Variants in PLXNA4 observed in about 807,000 individuals in gnomAD.
PLXNA4 encodes the protein plexin A4, also known as plexin-A4.
A neutral mutation model predicts 191.8 loss-of-function variants in PLXNA4; 44 were observed. The observed-to-expected ratio is 0.23, with a 90% CI of 0.18 to 0.29. PLXNA4 has a LOEUF of 0.29. Ranked by LOEUF, PLXNA4 falls within the 10% of genes least tolerant of loss-of-function variation. The pLI, the probability that PLXNA4 is intolerant of heterozygous loss-of-function variation, is 1.00. For missense variants in PLXNA4, 1,800 were observed against 2,488.8 expected (o/e 0.72, Z 5.89); for synonymous variants, 1,082 against 1,009.5 (o/e 1.07, Z -1.36).
At chr7:132,279,957 CA>C (rs1563009119) in intron 4 of PLXNA4, among the ~76,000 whole-genome samples, 2 of 152,174 alleles carry the variant, frequency 1.3e-5, no homozygotes, top group Non-Finnish European at 2.9e-5. Flanking sequence ...TGACTCATGG[CA>C]AGAGATATGT....
intron 3 of PLXNA4, among the ~76,000 whole-genome samples, chr7:132,435,869 G>A (rs867007803): frequency 7.9e-5 from 12 of 152,208 alleles, no homozygotes; most frequent in Non-Finnish European, 1.0e-4. Flanking sequence ...CCCCTGTGAG[G>A]CAAAGGCCAG....
chr7:132,469,962 A>G (rs1796871511), intron 3 of PLXNA4, among the ~76,000 whole-genome samples: 1 of 152,152 alleles, frequency 6.6e-6, no homozygotes, highest in Non-Finnish European at 1.5e-5. Flanking sequence ...CACTGTCACA[A>G]CTGGCCCTGT....
At position 132,489,236 on chromosome 7, in the gene PLXNA4, C is replaced by T; in HGVS notation, c.1371+56G>A. 2.6e-6 allele frequency: 4 copies of T among 1,520,394 alleles called. No homozygotes were observed. In the Admixed American group the frequency reaches 5.2e-5, roughly 20 times the overall value. The allele number at this position is 1,520,394 out of a possible 1,614,324, so 94.2% of individuals were successfully genotyped here. A position where few individuals can be genotyped will look rare whatever the true frequency, so the allele number is the denominator to read the frequency against. On this transcript the variant is annotated intron_variant, in intron 3 of 31. Transcript: ENST00000321063. ...CAAAAAGATGTAAGATAACATCCAG[C>T]CCAGGAGGGACAGACTGTCTTCACA...
intron 10 of PLXNA4, 91 bp downstream of exon 10, chr7:132,210,852 C>T: frequency 7.1e-7 from 1 of 1,416,270 alleles, no homozygotes; most frequent in East Asian, 2.3e-5. Flanking sequence ...GAAACGACTG[C>T]AGGGCTGAGC....
At chr7:132,185,228 T>A in intron 16 of PLXNA4, 71 bp downstream of exon 16, 1 of 1,534,020 alleles carries the variant, frequency 6.5e-7, no homozygotes, top group Non-Finnish European at 8.7e-7. Context: ...AGAACTCTCC[T>A]TGGCTTTCAA....
chr7:132,361,843 G>A (rs1024193806), intron 3 of PLXNA4, among the ~76,000 whole-genome samples: 5 of 151,978 alleles, frequency 3.3e-5, no homozygotes, highest in Non-Finnish European at 4.4e-5. Flanking sequence ...GTGTGTGCAC[G>A]CGTGCGTGAA....
intron 3 of PLXNA4, among the ~76,000 whole-genome samples, chr7:132,372,846 T>C (rs989422369): frequency 1.3e-5 from 2 of 152,104 alleles, no homozygotes; most frequent in African/African-American, 2.4e-5. Flanking sequence ...ATAAGGAAAG[T>C]TGAGAGGCTT....
At chr7:132,535,739 C>T (rs1282808245) in intron 1 of PLXNA4, among the ~76,000 whole-genome samples, 1 of 151,628 alleles carries the variant, frequency 6.6e-6, no homozygotes, top group Admixed American at 6.6e-5. Context: ...CTGCAGGCCA[C>T]ACAGGCAGGA....
At chr7:132,429,476 C>T (rs1213900778) in intron 3 of PLXNA4, among the ~76,000 whole-genome samples, 1 of 152,182 alleles carries the variant, frequency 6.6e-6, no homozygotes, top group Non-Finnish European at 1.5e-5. Context: ...ACCACGAAAG[C>T]AGGCACAGAC....
chr7:132,455,090 C>G (rs1270546633), intron 3 of PLXNA4, among the ~76,000 whole-genome samples: 3 of 152,206 alleles, frequency 2.0e-5, no homozygotes, highest in African/African-American at 7.2e-5. Context: ...GTCTGGGAAA[C>G]AGGCAGCCCC....
At chr7:132,176,931 CAT>C (rs1796487848) in intron 20 of PLXNA4, among the ~76,000 whole-genome samples, 2 of 151,244 alleles carry the variant, frequency 1.3e-5, no homozygotes, top group African/African-American at 2.4e-5. Context: ...AGTATGTGGG[CAT>C]GTGTGTGCAC....
chr7:132,299,752 G>A (rs1191802441), intron 3 of PLXNA4, among the ~76,000 whole-genome samples: 4 of 152,042 alleles, frequency 2.6e-5, no homozygotes, highest in East Asian at 3.9e-4. Flanking sequence ...CAGGTTGTCC[G>A]TGATGAGCAT....
intron 29 of PLXNA4, among the ~76,000 whole-genome samples, chr7:132,141,716 TCTTTC>T (rs1466529983): frequency 2.6e-5 from 4 of 151,954 alleles, no homozygotes; most frequent in Non-Finnish European, 5.9e-5. Flanking sequence ...CTTGTGTAAG[TCTTTC>T]CTTTCCTTTC....
chr7:132,594,139 G>A (rs1802656851), intron 2 of PLXNA4, among the ~76,000 whole-genome samples: 1 of 152,226 alleles, frequency 6.6e-6, no homozygotes, highest in Non-Finnish European at 1.5e-5. Flanking sequence ...AACCTTTTGG[G>A]AATTAGGGAC....
chr7:132,630,849 G>A (rs577403106), intron 2 of PLXNA4, among the ~76,000 whole-genome samples: 5 of 152,268 alleles, frequency 3.3e-5, no homozygotes, highest in African/African-American at 7.2e-5. Flanking sequence ...TGGAGTTTTC[G>A]GAGGAAGTAG....
intron 4 of PLXNA4, among the ~76,000 whole-genome samples, chr7:132,245,816 G>C (rs1799029683): frequency 6.6e-6 from 1 of 152,212 alleles, no homozygotes; most frequent in South Asian, 2.1e-4. Context: ...ATGATGCTAA[G>C]TGAAATAAGC....
At chr7:132,219,560 C>T (rs1056066270) in intron 9 of PLXNA4, among the ~76,000 whole-genome samples, 2 of 152,200 alleles carry the variant, frequency 1.3e-5, no homozygotes, top group Admixed American at 1.3e-4. Context: ...CATAACAAAA[C>T]TTCAGATTAT....
chr7:132,584,763 A>G (rs1015575109), intron 2 of PLXNA4, among the ~76,000 whole-genome samples: 4 of 152,158 alleles, frequency 2.6e-5, no homozygotes, highest in African/African-American at 9.7e-5. Context: ...AATTTATTGT[A>G]TATTCTTTTT....
intron 25 of PLXNA4, among the ~76,000 whole-genome samples, 156 bp downstream of exon 25, chr7:132,159,317 A>C (rs1795881620): frequency 6.6e-6 from 1 of 151,962 alleles, no homozygotes; most frequent in South Asian, 2.1e-4. Context: ...AGGCAACCCC[A>C]TGGGCTCCTG....
Sources: allele counts gnomAD v4.1 joint callset (sites outside exome capture counted in the v4.1 genomes callset), GRCh38; gene constraint gnomAD v4.1.1; transcripts MANE v1.5; gene names NCBI Gene and HGNC (gene_info 2026-07-23, HGNC 2026-07-21).